HNRNPA2B1: variants seen among roughly 807,000 people sequenced by gnomAD.
HNRNPA2B1 encodes heterogeneous nuclear ribonucleoprotein A2/B1.
A neutral mutation model predicts 46.3 loss-of-function variants in HNRNPA2B1; 3 were observed. The observed-to-expected ratio is 0.06, with a 90% confidence interval of 0.03 to 0.17. HNRNPA2B1 has a LOEUF of 0.17. Ranked by LOEUF, HNRNPA2B1 falls within the 10% of genes least tolerant of loss-of-function variation. The probability of loss-of-function intolerance (pLI) is 1.00; values close to 1 mark genes in which losing one functional copy is unlikely to be tolerated. For missense variants in HNRNPA2B1, 221 were observed against 418.9 expected, an observed-to-expected ratio of 0.53 and a Z score of 4.12; for synonymous variants, 225 against 133.8, an observed-to-expected ratio of 1.68 and a Z score of -4.70.
At position 26,191,733 on chromosome 7, in the gene HNRNPA2B1, AC is replaced by A. The variant is rs1448426273; in HGVS notation, c.*626del. ...CTGATGAATTGCAGACAACACACTT[AC>A]ATCTGACCAGCATTTATCTTATACA... On this transcript the variant is annotated 3_prime_UTR_variant, in exon 11 of 11. Coordinates refer to ENST00000618183, the MANE Select transcript of HNRNPA2B1 (RefSeq NM_002137.4). The A allele has an allele frequency of 6.6e-6, 1 of 152,388 alleles. No homozygotes were observed. Among genetic ancestry groups the A allele is most frequent in the Non-Finnish European group, 1.5e-5 (1 of 68,038 alleles). 9.4% of individuals were successfully genotyped at this position (152,388 alleles called of 1,614,324 possible).
intron 1 of HNRNPA2B1, chr7:26,200,289 C>T (rs1449602404): frequency 4.0e-6 from 2 of 500,852 alleles, no homozygotes; most frequent in African/African-American, 3.9e-5. Flanking sequence ...ATTCCCGCCT[C>T]CGCGCCCCAC....
In HNRNPA2B1 at chr7:26,191,376, C is replaced by G. The variant is rs1782905671; in HGVS notation, c.*984G>C. 1 of 152,024 alleles carries G rather than the reference C, an allele frequency of 6.6e-6. No homozygotes were observed. The highest frequency in any genetic ancestry group is 2.1e-4 in the South Asian group (1 of 4,828). 9.4% of individuals were successfully genotyped at this position (152,024 alleles called of 1,614,324 possible). On this transcript the variant is annotated 3_prime_UTR_variant, in exon 11 of 11. Coordinates refer to ENST00000618183, the MANE Select transcript of HNRNPA2B1 (RefSeq NM_002137.4). ...AGACCATTTAAGAGTATTAGTTTAT[C>G]TTTTAGGGAGGAAAATTAAGAAAGG...
intron 9 of HNRNPA2B1, 70 bp from the exon 10 acceptor site, chr7:26,192,647 T>G: frequency 8.1e-7 from 1 of 1,232,526 alleles, no homozygotes; most frequent in Non-Finnish European, 1.2e-6. Context: ...AACACTACAG[T>G]TGATTCTATT....
intron 7 of HNRNPA2B1, among the ~76,000 whole-genome samples, 195 bp from the exon 8 acceptor site, chr7:26,193,889 C>T (rs898651674): frequency 6.6e-6 from 1 of 152,198 alleles, no homozygotes; most frequent in Non-Finnish European, 1.5e-5. Context: ...AAATGGATAA[C>T]ACCATGTGCA....
At position 26,200,710 on chromosome 7, in the gene HNRNPA2B1, G is replaced by T; in HGVS notation, c.-133C>A. On this transcript the variant is annotated 5_prime_UTR_variant, in exon 1 of 11. Coordinates refer to ENST00000618183, the MANE Select transcript of HNRNPA2B1 (RefSeq NM_002137.4). ...CGCTGCTCGAGAAACAACTCTGCGAGGAGCACCTCCGCACGGGACCCGGCG... is the reference window on the plus strand; with the variant it reads ...CGCTGCTCGAGAAACAACTCTGCGATGAGCACCTCCGCACGGGACCCGGCG... The T allele has an allele frequency of 8.7e-7, 1 of 1,153,928 alleles. No individual in the cohort carries two copies. Among genetic ancestry groups the T allele is most frequent in the Non-Finnish European group, 1.3e-6 (1 of 771,760 alleles). 71.5% of individuals were successfully genotyped at this position (1,153,928 alleles called of 1,614,324 possible).
intron 3 of HNRNPA2B1, 77 bp from the exon 4 acceptor site, chr7:26,197,094 C>T: frequency 1.2e-5 from 15 of 1,225,512 alleles, no homozygotes; most frequent in Non-Finnish European, 1.6e-5. Flanking sequence ...ACCGTAGTAC[C>T]ATACTTCGCT....
rs1483766076 is a variant in HNRNPA2B1, at chr7:26,191,886, C to CT, written c.*473dup. The CT allele has an allele frequency of 2.0e-5, 3 of 152,182 alleles. No homozygotes were observed. The highest frequency in any genetic ancestry group is 4.4e-5 in the Non-Finnish European group (3 of 67,908). 9.4% of individuals were successfully genotyped at this position (152,182 alleles called of 1,614,324 possible). On this transcript the variant is annotated 3_prime_UTR_variant, in exon 11 of 11. Coordinates refer to ENST00000618183, the MANE Select transcript of HNRNPA2B1 (RefSeq NM_002137.4). ...TTATTAAATCATAAATGTACAACAGCTTCTTAACTCTACACACGCACTTAA... is the reference window on the plus strand; with the variant it reads ...TTATTAAATCATAAATGTACAACAGCTTTCTTAACTCTACACACGCACTTAA...
Position 26,200,185 on chromosome 7 carries a change from G to C in HNRNPA2B1, c.6+387C>G, listed in dbSNP as rs546938130. 1.8e-4 allele frequency: 48 copies of C among 271,200 alleles called. 1 individual carries two copies. The Admixed American group carries it at 2.1e-3, about 12-fold the overall frequency. 16.8% of individuals were successfully genotyped at this position (271,200 alleles called of 1,614,324 possible). Reference sequence around the variant, plus strand: ...GGGAGAGAGGGGGAGGGGAAGCTCCGCAGCCTCGCTCACGAGGACCTGCTG... The same window carrying C: ...GGGAGAGAGGGGGAGGGGAAGCTCCCCAGCCTCGCTCACGAGGACCTGCTG... On this transcript the variant is annotated intron_variant, in intron 1 of 10. Transcript: ENST00000618183.
At chr7:26,199,622 A>C (rs534788088) in intron 1 of HNRNPA2B1, 2 of 152,254 alleles carry the variant, frequency 1.3e-5, no homozygotes, top group African/African-American at 4.8e-5. Flanking sequence ...TCTGACGCGA[A>C]TATCCCTCCC....
Position 26,200,736 on chromosome 7 carries a change from C to T in HNRNPA2B1, c.-159G>A, listed in dbSNP as rs556029542. On this transcript the variant is annotated 5_prime_UTR_variant, in exon 1 of 11. Transcript: ENST00000618183. ...GAGCACCTCCGCACGGGACCCGGCG[C>T]TGCTGCTACTGCCGCTAGAGCCGCT... The T allele has an allele frequency of 2.3e-6, 2 of 863,818 alleles. No homozygotes were observed. Among genetic ancestry groups the T allele is most frequent in the Admixed American group, 1.9e-5 (1 of 52,932 alleles). 53.5% of individuals were successfully genotyped at this position (863,818 alleles called of 1,614,324 possible).
At chr7:26,196,268 G>T in intron 6 of HNRNPA2B1, 133 bp downstream of exon 6, 1 of 716,418 alleles carries the variant, frequency 1.4e-6, no homozygotes, top group Non-Finnish European at 2.3e-6. Flanking sequence ...ACAAGAGCTT[G>T]CCAGGATACA....
At chr7:26,196,768 C>T (rs1204666056) in intron 4 of HNRNPA2B1, 39 bp downstream of exon 4, 1 of 1,585,080 alleles carries the variant, frequency 6.3e-7, no homozygotes, top group Non-Finnish European at 8.7e-7. Context: ...AAATTGAATA[C>T]ACTGGAAAAA....
Position 26,200,518 on chromosome 7 carries a change from G to T in HNRNPA2B1, c.6+54C>A, listed in dbSNP as rs575617958. The T allele has an allele frequency of 1.4e-4, 219 of 1,596,556 alleles. No homozygotes were observed. The African/African-American group carries it at 2.4e-3, about 17-fold the overall frequency. Reference sequence around the variant, plus strand: ...GCGGCTGGCCGACTTCCACTGAGGCGCCAACGGCCTCGCCATGCCCTTTTC... The same window carrying T: ...GCGGCTGGCCGACTTCCACTGAGGCTCCAACGGCCTCGCCATGCCCTTTTC... On this transcript the variant is annotated intron_variant, in intron 1 of 10. Transcript: ENST00000618183.
intron 7 of HNRNPA2B1, 103 bp downstream of exon 7, chr7:26,195,744 A>G: frequency 1.6e-6 from 2 of 1,284,666 alleles, no homozygotes; most frequent in Non-Finnish European, 2.1e-6. Flanking sequence ...ATTTATAGAC[A>G]CTAATATAAA....
chr7:26,194,374 C>T lies in HNRNPA2B1; in HGVS notation c.722-680G>A, dbSNP rs557110345. Among the ~76,000 whole-genome samples the T allele has an allele frequency of 1.2e-4, 18 of 151,748 alleles. No individual in the cohort carries two copies. The South Asian group carries it at 1.7e-3, about 14-fold the overall frequency. ...TCACACCACTGCACTCCAGCCTGGG[C>T]GACAGAGAGAGACTCCCTCTCAAAA... On this transcript the variant is annotated intron_variant, in intron 7 of 10. Coordinates refer to ENST00000618183, the MANE Select transcript of HNRNPA2B1 (RefSeq NM_002137.4).
intron 7 of HNRNPA2B1, among the ~76,000 whole-genome samples, chr7:26,194,925 C>A (rs369698653): frequency 1.3e-5 from 2 of 151,550 alleles, no homozygotes; most frequent in South Asian, 2.1e-4. Flanking sequence ...GAAACCCCGT[C>A]TCTACTAAAA....
intron 3 of HNRNPA2B1, 149 bp from the exon 4 acceptor site, chr7:26,197,166 A>G: frequency 8.6e-7 from 1 of 1,163,858 alleles, no homozygotes; most frequent in Non-Finnish European, 1.2e-6. Flanking sequence ...TTTGAAAAAT[A>G]AGCTAGCTTA....
intron 7 of HNRNPA2B1, among the ~76,000 whole-genome samples, chr7:26,195,122 A>T (rs570338457): frequency 9.2e-5 from 7 of 75,828 alleles, no homozygotes; most frequent in East Asian, 9.3e-4. Flanking sequence ...AAACCATATT[A>T]AAAAAAAAAA....
At chr7:26,199,615 G>A (rs1217677566) in intron 1 of HNRNPA2B1, 1 of 152,126 alleles carries the variant, frequency 6.6e-6, no homozygotes, top group Non-Finnish European at 1.5e-5. Context: ...AAAGGATTCT[G>A]ACGCGAATAT....
Sources: gnomAD v4.1 joint callset for allele counts (sites outside exome capture counted in the v4.1 genomes callset) on GRCh38, gnomAD v4.1.1 for gene constraint, MANE v1.5 for transcripts, NCBI Gene and HGNC (gene_info 2026-07-23, HGNC 2026-07-21) for gene names.